The following BCAT1 variants were observed in gnomAD, a reference collection of about 807,000 sequenced individuals.
BCAT1 encodes branched-chain-amino-acid aminotransferase, cytosolic.
In BCAT1, 48 loss-of-function variants were observed where a neutral mutation model predicts 52.4. That is an observed-to-expected ratio of 0.92 (90% confidence interval 0.73 to 1.16). BCAT1 has a LOEUF of 1.16. BCAT1 is among the 50% of genes most tolerant of loss of function. BCAT1 has a pLI of 0.00. For missense variants in BCAT1, 451 were observed against 457.1 expected, an observed-to-expected ratio of 0.99 and a Z score of 0.12; for synonymous variants, 167 against 161.3, an observed-to-expected ratio of 1.04 and a Z score of -0.27.
intron 5 of BCAT1, among the ~76,000 whole-genome samples, chr12:24,859,851 T>G (rs1941803691): frequency 6.6e-6 from 1 of 152,160 alleles, no homozygotes; most frequent in Non-Finnish European, 1.5e-5. Context: ...ATATTTGGCT[T>G]ACTTGGTATA....
intron 1 of BCAT1, among the ~76,000 whole-genome samples, chr12:24,923,286 C>G (rs1400706805): frequency 6.6e-6 from 1 of 152,224 alleles, no homozygotes; most frequent in Non-Finnish European, 1.5e-5. Context: ...CTTTCTAAGA[C>G]TAGCAGCCTC....
intron 3 of BCAT1, among the ~76,000 whole-genome samples, chr12:24,883,350 A>G (rs916295093): frequency 4.6e-5 from 7 of 152,212 alleles, no homozygotes; most frequent in African/African-American, 1.7e-4. Context: ...CAAAAAGATA[A>G]AAGATAAGTA....
intron 3 of BCAT1, among the ~76,000 whole-genome samples, chr12:24,883,011 G>A (rs974726535): frequency 6.6e-6 from 1 of 152,130 alleles, no homozygotes; most frequent in Admixed American, 6.5e-5. Flanking sequence ...TCAAGGCTGG[G>A]TGTGATGGCT....
At chr12:24,834,769 A>AC in intron 8 of BCAT1, 1 of 1,158,108 alleles carries the variant, frequency 8.6e-7, no homozygotes, top group Non-Finnish European at 1.1e-6. Flanking sequence ...ACTGCAGAAA[A>AC]TCAGGCAAAT....
chr12:24,868,487 ATTC>A (rs1942089790), intron 5 of BCAT1, among the ~76,000 whole-genome samples: 1 of 152,224 alleles, frequency 6.6e-6, no homozygotes, highest in South Asian at 2.1e-4. Flanking sequence ...GCCCCAAAAT[ATTC>A]TTCATCTATG....
At chr12:24,942,899 T>C (rs1305579574) in intron 1 of BCAT1, among the ~76,000 whole-genome samples, 2 of 152,252 alleles carry the variant, frequency 1.3e-5, no homozygotes, top group Non-Finnish European at 2.9e-5. Flanking sequence ...TGATAACTTA[T>C]GTGCTGTGAA....
At chr12:24,892,282 A>G (rs1942867395) in intron 3 of BCAT1, among the ~76,000 whole-genome samples, 1 of 152,124 alleles carries the variant, frequency 6.6e-6, no homozygotes, top group Non-Finnish European at 1.5e-5. Context: ...AACTGCTGAA[A>G]TTACAGATGT....
intron 5 of BCAT1, among the ~76,000 whole-genome samples, chr12:24,859,225 A>G (rs1387302176): frequency 2.0e-5 from 3 of 152,240 alleles, no homozygotes; most frequent in Non-Finnish European, 4.4e-5. Flanking sequence ...GTAATATTAA[A>G]AGATCATGGA....
chr12:24,887,448 T>C (rs1006097709), intron 3 of BCAT1, among the ~76,000 whole-genome samples: 2 of 152,054 alleles, frequency 1.3e-5, no homozygotes, highest in Non-Finnish European at 1.5e-5. Context: ...ACAAAATATA[T>C]ACATTTTTTC....
intron 6 of BCAT1, among the ~76,000 whole-genome samples, chr12:24,846,661 G>C (rs771344702): frequency 1.3e-5 from 2 of 152,156 alleles, no homozygotes; most frequent in African/African-American, 2.4e-5. Context: ...TACAGGTTGA[G>C]GATCCCTAAT....
At chr12:24,857,680 G>C (rs1321213598) in intron 5 of BCAT1, among the ~76,000 whole-genome samples, 1 of 152,142 alleles carries the variant, frequency 6.6e-6, no homozygotes, top group African/African-American at 2.4e-5. Context: ...TCCATTTTGG[G>C]AAAAATCTGT....
chr12:24,896,574 A>G (rs565460896), intron 2 of BCAT1, among the ~76,000 whole-genome samples: 4 of 152,226 alleles, frequency 2.6e-5, no homozygotes, highest in African/African-American at 4.8e-5. Flanking sequence ...TTTGAGATCA[A>G]CCTGGCAAAC....
chr12:24,855,781 C>A (rs1941660713), intron 5 of BCAT1, among the ~76,000 whole-genome samples: 1 of 151,764 alleles, frequency 6.6e-6, no homozygotes, highest in African/African-American at 2.4e-5. Context: ...TATTTTTTTT[C>A]TTTTTCTTTT....
rs549116088 is a variant in BCAT1, at chr12:24,847,153, G to A, written c.674+2633C>T. Among the ~76,000 whole-genome samples, 11 of 152,286 alleles carry A rather than the reference G, an allele frequency of 7.2e-5. No homozygotes were observed. In the South Asian group the frequency reaches 2.3e-3, roughly 32 times the overall value. ...AAAAATGAGGAAACTGATACATAGA[G>A]CAGTTAAGTAACATGCCCAAGGCAA... is the stretch of plus-strand genomic sequence containing the variant. On this transcript the variant is annotated intron_variant, in intron 6 of 10. Coordinates refer to ENST00000261192, the MANE Select transcript of BCAT1 (RefSeq NM_005504.7).
Position 24,817,906 on chromosome 12 carries a change from C to A in BCAT1, c.*102G>T. 1 of 1,235,988 alleles carries A rather than the reference C, an allele frequency of 8.1e-7. No homozygotes were observed. Among genetic ancestry groups the A allele is most frequent in the South Asian group, 1.3e-5 (1 of 78,866 alleles). 76.6% of individuals were successfully genotyped at this position (1,235,988 alleles called of 1,614,324 possible). On this transcript the variant is annotated 3_prime_UTR_variant, in exon 11 of 11. Coordinates refer to ENST00000261192, the MANE Select transcript of BCAT1 (RefSeq NM_005504.7). ...CATTGATACTACAAACTACATTATG[C>A]ACAGGTAGCCAAAGAAATCTATCAC...
rs1272092560 is a variant in BCAT1 at position 24,816,714 on chromosome 12, C to A, written c.*1294G>T. 5.1e-6 allele frequency: 2 copies of A among 395,710 alleles called. No individual in the cohort carries two copies. The highest frequency in any genetic ancestry group is 4.5e-6 in the Non-Finnish European group (1 of 224,530). 24.5% of individuals were successfully genotyped at this position (395,710 alleles called of 1,614,324 possible). On this transcript the variant is annotated 3_prime_UTR_variant, in exon 11 of 11. Transcript: ENST00000261192. Reference sequence around the variant, plus strand: ...GCAGTGGTCCCCAACATTTTTGGCACCAGGGACCAGTTTTGTGGAAGACAA... The same window carrying A: ...GCAGTGGTCCCCAACATTTTTGGCAACAGGGACCAGTTTTGTGGAAGACAA...
chr12:24,890,720 C>A (rs1208694748), intron 3 of BCAT1, among the ~76,000 whole-genome samples: 1 of 152,180 alleles, frequency 6.6e-6, no homozygotes, highest in Admixed American at 6.5e-5. Context: ...GAATAATCTA[C>A]CCCTTCTTTA....
intron 7 of BCAT1, among the ~76,000 whole-genome samples, chr12:24,836,955 A>G (rs1026321328): frequency 8.7e-5 from 8 of 92,218 alleles, no homozygotes; most frequent in African/African-American, 1.6e-4. Context: ...AGAAAGAAAG[A>G]AAAGAGAAAG....
chr12:24,821,883 G>T (rs867948234), intron 10 of BCAT1, among the ~76,000 whole-genome samples: 1 of 152,182 alleles, frequency 6.6e-6, no homozygotes, highest in Non-Finnish European at 1.5e-5. Flanking sequence ...CTTCAAGAGA[G>T]ATTCAAAAGG....
Sources: allele counts gnomAD v4.1 joint callset (sites outside exome capture counted in the v4.1 genomes callset), GRCh38; gene constraint gnomAD v4.1.1; transcripts MANE v1.5; gene names NCBI Gene and HGNC (gene_info 2026-07-23, HGNC 2026-07-21).